ZNF615: variants seen among roughly 807,000 people sequenced by gnomAD.
ZNF615 encodes the protein zinc finger protein 615.
Under a neutral mutation model 15.3 loss-of-function variants are expected in ZNF615, and 15 were observed. The observed-to-expected ratio is 0.98, with a 90% CI of 0.66 to 1.51. ZNF615 has a LOEUF of 1.51. Among genes scored for constraint, ZNF615 ranks in the 40% most tolerant of loss-of-function variants. The pLI, the probability that ZNF615 is intolerant of heterozygous loss-of-function variation, is 0.00. For synonymous variants in ZNF615, 268 were observed against 294.6 expected (o/e 0.91, Z 0.92); for missense variants, 848 against 895.9 (o/e 0.95, Z 0.68).
At chr19:52,007,442 C>T in intron 1 of ZNF615, 112 bp from the exon 2 acceptor site, 1 of 501,392 alleles carries the variant, frequency 2.0e-6, no homozygotes, top group Non-Finnish European at 3.2e-6. Flanking sequence ...ACTGATCTCG[C>T]CAAAAACTTC....
At chr19:52,006,982 G>A (rs2086771123) in intron 2 of ZNF615, among the ~76,000 whole-genome samples, 1 of 152,040 alleles carries the variant, frequency 6.6e-6, no homozygotes, top group Non-Finnish European at 1.5e-5. Context: ...AAGATTAAAG[G>A]CAGGAAAAAC....
intron 1 of ZNF615, among the ~76,000 whole-genome samples, chr19:52,007,757 A>G (rs16983385): frequency 0.06 from 9,156 of 152,152 alleles, 833 homozygotes; most frequent in African/African-American, 0.19. Flanking sequence ...CAAAACCTGA[A>G]CCATAAACCG....
chr19:52,002,359 T>A lies in ZNF615; in HGVS notation c.16-78A>T, dbSNP rs528936998. The stretch of plus-strand genomic sequence containing the variant: ...AAGAATGTCAAGGAAGTCATTCCGC[T>A]CATTTTCACCACATAGGAAGCTGGT... On this transcript the variant is annotated intron_variant, in intron 3 of 6. Coordinates refer to ENST00000598071, the MANE Select transcript of ZNF615 (RefSeq NM_001199324.2). 92 of 1,603,062 alleles carry A rather than the reference T, an allele frequency of 5.7e-5. No individual in the cohort carries two copies. In the African/African-American group the frequency reaches 1.2e-3, roughly 20 times the overall value.
chr19:52,002,782 A>G (rs1225730466), intron 3 of ZNF615, among the ~76,000 whole-genome samples: 1 of 152,086 alleles, frequency 6.6e-6, no homozygotes, highest in Non-Finnish European at 1.5e-5. Flanking sequence ...AAACATGTAT[A>G]AAGCACAAAG....
At chr19:51,995,940 T>C (rs1456605818) in intron 6 of ZNF615, among the ~76,000 whole-genome samples, 1 of 152,118 alleles carries the variant, frequency 6.6e-6, no homozygotes, top group African/African-American at 2.4e-5. Flanking sequence ...AGAAGGTAAT[T>C]GCATTTTGTG....
intron 6 of ZNF615, among the ~76,000 whole-genome samples, chr19:51,997,576 A>G (rs2086477220): frequency 6.6e-6 from 1 of 152,232 alleles, no homozygotes; most frequent in African/African-American, 2.4e-5. Flanking sequence ...TTAACTCAGC[A>G]GGCCTGGGCT....
At chr19:51,995,465 C>T (rs2086390356) in intron 6 of ZNF615, among the ~76,000 whole-genome samples, 1 of 151,904 alleles carries the variant, frequency 6.6e-6, no homozygotes, top group Non-Finnish European at 1.5e-5. Flanking sequence ...AGGTTGATCC[C>T]AAATGACAAA....
chr19:52,000,337 G>T lies in ZNF615; in HGVS notation c.271+9C>A. ...CCTCGGCATCAGGCAATATATCCAT[G>T]AGACAAACCTGCATATGCACCTCCT... On this transcript the variant is annotated intron_variant, in intron 6 of 6. Coordinates refer to ENST00000598071, the MANE Select transcript of ZNF615 (RefSeq NM_001199324.2). 2 of 631,812 alleles carry T rather than the reference G, an allele frequency of 3.2e-6. No individual in the cohort carries two copies. The highest frequency in any genetic ancestry group is 1.8e-5 in the African/African-American group (1 of 55,590). The allele number at this position is 631,812 out of a possible 1,614,324, so 39.1% of individuals were successfully genotyped here. A position where few individuals can be genotyped will look rare whatever the true frequency, so the allele number is the denominator to read the frequency against.
chr19:51,996,521 T>C (rs562134348), intron 6 of ZNF615, among the ~76,000 whole-genome samples: 65 of 150,780 alleles, frequency 4.3e-4, no homozygotes, highest in African/African-American at 1.6e-3. Context: ...GTGAAACACA[T>C]AAAGTTTAAG....
chr19:51,993,148 TG>T lies in ZNF615; in HGVS notation c.1960del (p.Gln654SerfsTer100), dbSNP rs2086287105. The T allele has an allele frequency of 1.2e-6, 2 of 1,614,242 alleles. No homozygotes were observed. The highest frequency in any genetic ancestry group is 1.7e-6 in the Non-Finnish European group (2 of 1,180,038). ...FRKKTCLIQH[Q>X]RFHTGKTSFA... ...GGAAGTCTTTCCTGTGTGAAATCGC[TG>T]ATGTTGTATGAGGCATGTCTTCTTC... On this transcript the variant is annotated frameshift_variant, in exon 7 of 7. Transcript: ENST00000598071. LOFTEE classifies it low-confidence loss of function (END_TRUNC).
chr19:52,008,117 C>G (rs2086806707), intron 1 of ZNF615, 24 bp downstream of exon 1: 2 of 1,534,012 alleles, frequency 1.3e-6, no homozygotes, highest in East Asian at 2.4e-5. Context: ...GTCACCACAG[C>G]GACCACCCAG....
intron 6 of ZNF615, among the ~76,000 whole-genome samples, chr19:51,996,382 T>A (rs577505188): frequency 1.5e-4 from 7 of 46,234 alleles, no homozygotes; most frequent in African/African-American, 1.1e-3. Context: ...CAAGACTCTG[T>A]CTCAAAAAAA....
intron 6 of ZNF615, among the ~76,000 whole-genome samples, chr19:51,996,403 A>AAAAAAAAAAAAAAAAAG (rs2086437687): frequency 9.1e-6 from 1 of 109,460 alleles, no homozygotes; most frequent in African/African-American, 3.6e-5. Flanking sequence ...AAAAAAAAAA[A>AAAAAAAAAAAAAAAAAG]AAAAACGCAA....
rs2086676081 is a variant in ZNF615, at chr19:52,003,862, T to C, written c.-151A>G. On this transcript the variant is annotated 5_prime_UTR_variant, in exon 3 of 7. Transcript: ENST00000598071. ...CCCAAGTCTTGGAAACTCCGCCTCC[T>C]TCCTTCACTTGATTTCTCTTGTTCT... 1 of 1,466,102 alleles carries C rather than the reference T, an allele frequency of 6.8e-7. No individual in the cohort carries two copies. The highest frequency in any genetic ancestry group is 9.0e-7 in the Non-Finnish European group (1 of 1,112,550). 90.8% of individuals were successfully genotyped at this position (1,466,102 alleles called of 1,614,324 possible).
Position 51,991,725 on chromosome 19 carries a change from A to G in ZNF615, c.*1155T>C, listed in dbSNP as rs546261798. 1 of 152,330 alleles carries G rather than the reference A, an allele frequency of 6.6e-6. No individual in the cohort carries two copies. The highest frequency in any genetic ancestry group is 1.9e-4 in the East Asian group (1 of 5,186). The allele number at this position is 152,330 out of a possible 1,614,324, so 9.4% of individuals were successfully genotyped here. A position where few individuals can be genotyped will look rare whatever the true frequency, so the allele number is the denominator to read the frequency against. On this transcript the variant is annotated 3_prime_UTR_variant, in exon 7 of 7. Transcript: ENST00000598071. Reference sequence around the variant, plus strand: ...TACGGTGGTGGTGACATGAATCAATATATGTGTTAAGATTTCTTAAAGCTA... The same window carrying G: ...TACGGTGGTGGTGACATGAATCAATGTATGTGTTAAGATTTCTTAAAGCTA...
At position 51,992,720 on chromosome 19, in the gene ZNF615, C is replaced by G. The variant is rs917198907; in HGVS notation, c.*160G>C. ...GTATACAATTTTTAGACATAATGTCCTAAAATATTTTCTCAAATGTTTTGT... is the reference window on the plus strand; with the variant it reads ...GTATACAATTTTTAGACATAATGTCGTAAAATATTTTCTCAAATGTTTTGT... On this transcript the variant is annotated 3_prime_UTR_variant, in exon 7 of 7. Transcript: ENST00000598071. 1 of 919,486 alleles carries G rather than the reference C, an allele frequency of 1.1e-6. No homozygotes were observed. Among genetic ancestry groups the G allele is most frequent in the Admixed American group, 2.4e-5 (1 of 41,202 alleles). 57.0% of individuals were successfully genotyped at this position (919,486 alleles called of 1,614,324 possible).
chr19:51,998,901 T>C (rs1280463466), intron 6 of ZNF615, among the ~76,000 whole-genome samples: 3 of 152,188 alleles, frequency 2.0e-5, no homozygotes, highest in Non-Finnish European at 4.4e-5. Flanking sequence ...GTGATCCATC[T>C]GCCTTGGCCT....
In ZNF615 at chr19:51,991,847, A is replaced by G. The variant is rs2086243175; in HGVS notation, c.*1033T>C. On this transcript the variant is annotated 3_prime_UTR_variant, in exon 7 of 7. Coordinates refer to ENST00000598071, the MANE Select transcript of ZNF615 (RefSeq NM_001199324.2). ...TATTGTAACAATTTCACTTTCCTGT[A>G]TTTGGTAATGAACTATGCTTATGTA... is the stretch of plus-strand genomic sequence containing the variant. 1.3e-5 allele frequency: 2 copies of G among 152,094 alleles called. No homozygotes were observed. 9.4% of individuals were successfully genotyped at this position (152,094 alleles called of 1,614,324 possible). A position where few individuals can be genotyped will look rare whatever the true frequency, so the allele number is the denominator to read the frequency against.
At chr19:52,007,182 AC>A in intron 2 of ZNF615, 110 bp downstream of exon 2, 1 of 582,270 alleles carries the variant, frequency 1.7e-6, no homozygotes, top group Non-Finnish European at 2.7e-6. Flanking sequence ...AGATAATAGT[AC>A]CATTTACATA....
Sources: allele counts gnomAD v4.1 joint callset (sites outside exome capture counted in the v4.1 genomes callset), GRCh38; gene constraint gnomAD v4.1.1; transcripts MANE v1.5; gene names NCBI Gene and HGNC (gene_info 2026-07-23, HGNC 2026-07-21).